Variants in APP observed in about 807,000 individuals in gnomAD.
APP encodes amyloid beta precursor protein.
Under a neutral mutation model 101.4 loss-of-function variants are expected in APP, and 31 were observed. That is an observed-to-expected ratio of 0.31 (90% CI 0.23 to 0.41). APP has a LOEUF of 0.41. Ranked by LOEUF, APP falls within the 10% of genes least tolerant of loss-of-function variation. The probability of loss-of-function intolerance (pLI) is 1.00; values close to 1 mark genes in which losing one functional copy is unlikely to be tolerated. For missense variants in APP, 839 were observed against 1,003.7 expected (o/e 0.84, Z 2.22); for synonymous variants, 366 against 364.4 (o/e 1.00, Z -0.05).
intron 15 of APP, chr21:25,897,923 A>G (rs941177485): frequency 1.8e-5 from 9 of 507,494 alleles, no homozygotes; most frequent in African/African-American, 9.7e-5. Context: ...AATACATGCT[A>G]TAATTTTTGA....
chr21:25,885,537 A>G (rs1048209145), intron 17 of APP, among the ~76,000 whole-genome samples: 3 of 152,138 alleles, frequency 2.0e-5, no homozygotes, highest in Non-Finnish European at 2.9e-5. Context: ...CAACCACTGA[A>G]TATTCATTCT....
intron 13 of APP, among the ~76,000 whole-genome samples, chr21:25,921,194 C>T (rs1231840787): frequency 8.2e-6 from 1 of 122,616 alleles, no homozygotes; most frequent in Admixed American, 8.4e-5. Context: ...AACAAAGACA[C>T]AACATACCAG....
At position 26,038,288 on chromosome 21, in the gene APP, C is replaced by T. The variant is rs926831682; in HGVS notation, c.662+12712G>A. On this transcript the variant is annotated intron_variant, in intron 5 of 17. Transcript: ENST00000346798. ...GATAGAAGTGCTTAAGGAGCCATTA[C>T]GTATTATTATTGATTATGATTACAA... Among the ~76,000 whole-genome samples, 6 of 151,958 alleles carry T rather than the reference C, an allele frequency of 3.9e-5. 1 individual carries two copies. Among genetic ancestry groups the T allele is most frequent in the Admixed American group, 1.3e-4 (2 of 15,256 alleles).
intron 8 of APP, among the ~76,000 whole-genome samples, chr21:25,990,365 T>A (rs1057007948): frequency 2.6e-5 from 4 of 152,232 alleles, no homozygotes; most frequent in African/African-American, 9.6e-5. Flanking sequence ...TTTATTAACA[T>A]CTATTCTCTA....
chr21:26,032,197 T>C (rs185640326), intron 5 of APP, among the ~76,000 whole-genome samples: 52 of 151,882 alleles, frequency 3.4e-4, no homozygotes, highest in East Asian at 1.9e-4. Flanking sequence ...CTTTCTTGCA[T>C]TGGTAAGTAT....
chr21:25,944,714 C>G (rs1320264759), intron 13 of APP, among the ~76,000 whole-genome samples: 1 of 152,060 alleles, frequency 6.6e-6, no homozygotes, highest in African/African-American at 2.4e-5. Context: ...TTTTTTTCCC[C>G]TCCTCTTTTA....
chr21:25,978,893 A>C (rs2042321256), intron 9 of APP, among the ~76,000 whole-genome samples: 1 of 152,242 alleles, frequency 6.6e-6, no homozygotes, highest in Non-Finnish European at 1.5e-5. Context: ...TGGAGGTTGC[A>C]GTGAGTCTAG....
At chr21:26,156,428 C>T (rs1407833964) in intron 1 of APP, among the ~76,000 whole-genome samples, 4 of 152,260 alleles carry the variant, frequency 2.6e-5, no homozygotes, top group South Asian at 2.1e-4. Context: ...TCAGGTGAGT[C>T]GAGAGTGAGT....
chr21:26,057,729 C>T (rs762807807), intron 3 of APP, among the ~76,000 whole-genome samples: 4 of 152,170 alleles, frequency 2.6e-5, no homozygotes, highest in African/African-American at 7.2e-5. Context: ...AGCCAACTGG[C>T]AGAAGAACTA....
At chr21:25,913,523 T>C (rs1198771258) in intron 13 of APP, among the ~76,000 whole-genome samples, 2 of 152,242 alleles carry the variant, frequency 1.3e-5, no homozygotes, top group African/African-American at 4.8e-5. Context: ...TTCTTTTATA[T>C]AAATCTTTTG....
intron 1 of APP, among the ~76,000 whole-genome samples, chr21:26,131,905 A>AT (rs200108798): frequency 0.068 from 9,982 of 147,586 alleles, 549 homozygotes; most frequent in African/African-American, 0.14. Flanking sequence ...TTGAATTAAG[A>AT]TTTTTTTTTT....
At chr21:26,126,085 T>G (rs1179873621) in intron 1 of APP, among the ~76,000 whole-genome samples, 1 of 152,186 alleles carries the variant, frequency 6.6e-6, no homozygotes, top group Non-Finnish European at 1.5e-5. Flanking sequence ...AGATTTACAT[T>G]CTACCAAAAA....
At chr21:26,129,905 G>A (rs2146269014) in intron 1 of APP, among the ~76,000 whole-genome samples, 1 of 152,330 alleles carries the variant, frequency 6.6e-6, no homozygotes, top group East Asian at 1.9e-4. Flanking sequence ...CCTATAGAGG[G>A]AAGGTCTTTA....
At chr21:26,135,338 T>C (rs2062873710) in intron 1 of APP, among the ~76,000 whole-genome samples, 1 of 152,236 alleles carries the variant, frequency 6.6e-6, no homozygotes, top group Non-Finnish European at 1.5e-5. Context: ...AGCCACATTA[T>C]ATGCACGACT....
intron 2 of APP, 60 bp from the exon 3 acceptor site, chr21:26,090,132 C>T (rs2061792627): frequency 6.2e-7 from 1 of 1,607,204 alleles, no homozygotes; most frequent in Admixed American, 1.7e-5. Flanking sequence ...CATTTACAAG[C>T]ATCTAACAAG....
chr21:26,165,318 A>G (rs1233456523), intron 1 of APP, among the ~76,000 whole-genome samples: 1 of 152,224 alleles, frequency 6.6e-6, no homozygotes, highest in African/African-American at 2.4e-5. Context: ...TTACATATAT[A>G]TTAACTCACA....
At chr21:25,958,383 T>C (rs2041418073) in intron 11 of APP, among the ~76,000 whole-genome samples, 4 of 152,154 alleles carry the variant, frequency 2.6e-5, no homozygotes, top group South Asian at 2.1e-4. Flanking sequence ...TTCAAGTGAT[T>C]CTCCTGCCTC....
intron 5 of APP, among the ~76,000 whole-genome samples, chr21:26,048,282 C>A (rs1242447732): frequency 6.6e-6 from 1 of 152,054 alleles, no homozygotes; most frequent in African/African-American, 2.4e-5. Flanking sequence ...GAGATCACGC[C>A]ACTGCACTCC....
intron 17 of APP, among the ~76,000 whole-genome samples, chr21:25,886,141 T>C (rs2037308901): frequency 6.6e-6 from 1 of 151,562 alleles, no homozygotes; most frequent in Non-Finnish European, 1.5e-5. Context: ...ACAACAATAG[T>C]GTGACACATC....
Sources: allele counts gnomAD v4.1 joint callset (sites outside exome capture counted in the v4.1 genomes callset), GRCh38; gene constraint gnomAD v4.1.1; transcripts MANE v1.5; gene names NCBI Gene and HGNC (gene_info 2026-07-23, HGNC 2026-07-21).